ACP7: variants seen among roughly 807,000 people sequenced by gnomAD.
ACP7 encodes acid phosphatase type 7.
In ACP7, 58 loss-of-function variants were observed where a neutral mutation model predicts 60.6. The observed-to-expected ratio is 0.96, with a 90% CI of 0.77 to 1.19. The LOEUF is 1.19. ACP7 is among the 50% of genes most tolerant of loss of function. ACP7 has a pLI of 0.00. For synonymous variants in ACP7, 237 were observed against 232.6 expected (o/e 1.02, Z -0.17); for missense variants, 574 against 596.2 (o/e 0.96, Z 0.39).
intron 2 of ACP7, among the ~76,000 whole-genome samples, chr19:39,095,369 G>A (rs1259251490): frequency 1.3e-5 from 2 of 152,150 alleles, no homozygotes; most frequent in African/African-American, 4.8e-5. Context: ...GGCATTACAG[G>A]GCCCATGCAA....
rs767671942 is a variant in ACP7, at chr19:39,098,503, C to T, written c.167C>T (p.Thr56Ile). The stretch of plus-strand genomic sequence containing the variant: ...GTAACTTGGACCACATGGGTCCCAA[C>T]CCGCTCTGAAGTGCAATTCGGGTTG... ...MTVTWTTWVPTRSEVQFGLQP... is the reference protein window; with the variant it reads ...MTVTWTTWVPIRSEVQFGLQP... The change falls in exon 3 of 13, where the codon ACC (threonine) becomes ATC (isoleucine). Residue 56 changes from threonine to isoleucine, a missense_variant. Coordinates refer to ENST00000331256, the MANE Select transcript of ACP7 (RefSeq NM_001004318.3). 2.4e-5 allele frequency: 39 copies of T among 1,606,048 alleles called. No homozygotes were observed. Among genetic ancestry groups the T allele is most frequent in the Non-Finnish European group, 2.9e-5 (34 of 1,176,784 alleles).
chr19:39,109,396 T>G (rs62120484), intron 12 of ACP7, among the ~76,000 whole-genome samples: 25,169 of 151,810 alleles, frequency 0.17, 2,339 homozygotes, highest in Non-Finnish European at 0.21. Context: ...GCTCAGAGAG[T>G]CCAGCAACAT....
intron 2 of ACP7, among the ~76,000 whole-genome samples, chr19:39,092,401 G>A (rs1048521278): frequency 1.3e-5 from 2 of 151,304 alleles, no homozygotes; most frequent in African/African-American, 4.9e-5. Flanking sequence ...TATAGCAGTT[G>A]CAGAATCATT....
chr19:39,086,908 G>A (rs781082020), intron 2 of ACP7, among the ~76,000 whole-genome samples: 4 of 152,104 alleles, frequency 2.6e-5, no homozygotes, highest in Non-Finnish European at 5.9e-5. Context: ...AACACCTTCA[G>A]TATTAATGTA....
intron 2 of ACP7, among the ~76,000 whole-genome samples, chr19:39,094,454 G>A (rs573917365): frequency 1.3e-5 from 2 of 150,194 alleles, no homozygotes; most frequent in East Asian, 3.9e-4. Context: ...AGTGAGCCAA[G>A]ATTGCATCAC....
At chr19:39,100,904 T>G in intron 7 of ACP7, 45 bp from the exon 8 acceptor site, 1 of 676,668 alleles carries the variant, frequency 1.5e-6, no homozygotes, top group Non-Finnish European at 2.2e-6. Context: ...CACCTCCCCC[T>G]CCACCCCTGA....
intron 4 of ACP7, 55 bp downstream of exon 4, chr19:39,099,197 G>A: frequency 1.4e-6 from 2 of 1,462,328 alleles, no homozygotes; most frequent in Non-Finnish European, 8.9e-7. Flanking sequence ...CGCAGGGATG[G>A]TGGGGGGCGC....
chr19:39,098,420 C>G, intron 2 of ACP7, 38 bp from the exon 3 acceptor site: 1 of 1,395,468 alleles, frequency 7.2e-7, no homozygotes, highest in Non-Finnish European at 9.6e-7. Flanking sequence ...CCTGCCCAGG[C>G]TTCACTCCCG....
chr19:39,101,654 C>T, intron 11 of ACP7, 117 bp downstream of exon 11: 1 of 1,192,166 alleles, frequency 8.4e-7, no homozygotes, highest in Non-Finnish European at 1.2e-6. Context: ...TAACCCTCAG[C>T]CCTAAGGTCG....
chr19:39,103,384 T>C (rs1240425441), intron 11 of ACP7, among the ~76,000 whole-genome samples: 1 of 150,830 alleles, frequency 6.6e-6, no homozygotes, highest in Admixed American at 6.6e-5. Flanking sequence ...CCTGTCTCCT[T>C]TCCACTCATC....
At chr19:39,097,097 G>A (rs933617625) in intron 2 of ACP7, among the ~76,000 whole-genome samples, 1 of 152,148 alleles carries the variant, frequency 6.6e-6, no homozygotes, top group Non-Finnish European at 1.5e-5. Context: ...AATACACCTG[G>A]CTAGTGAAAA....
chr19:39,097,604 T>G (rs986492128), intron 2 of ACP7, among the ~76,000 whole-genome samples: 8 of 150,736 alleles, frequency 5.3e-5, no homozygotes, highest in Non-Finnish European at 7.4e-5. Context: ...TTGCTGGTAC[T>G]GGGCCCGTTT....
chr19:39,085,457 G>A (rs1302064688), intron 2 of ACP7, 67 bp downstream of exon 2: 2 of 1,522,084 alleles, frequency 1.3e-6, no homozygotes, highest in Non-Finnish European at 1.8e-6. Context: ...TTGTTTGAGG[G>A]CTCAGGAATC....
At chr19:39,095,085 G>T (rs772995747) in intron 2 of ACP7, among the ~76,000 whole-genome samples, 2 of 152,148 alleles carry the variant, frequency 1.3e-5, no homozygotes, top group Non-Finnish European at 2.9e-5. Flanking sequence ...GGGACACAGA[G>T]CCAAACCATA....
At position 39,110,181 on chromosome 19, in the gene ACP7, C is replaced by T; in HGVS notation, c.*63C>T. 1 of 1,500,228 alleles carries T rather than the reference C, an allele frequency of 6.7e-7. No individual in the cohort carries two copies. 92.9% of individuals were successfully genotyped at this position (1,500,228 alleles called of 1,614,324 possible). On this transcript the variant is annotated 3_prime_UTR_variant, in exon 13 of 13. Transcript: ENST00000331256. ...CCGCCTTGGCTGCTGTGACCAGAAA[C>T]TGCCCAGGCCTGGGTGGGGAGTTGG...
Position 39,101,477 on chromosome 19 carries a change from C to G in ACP7, c.1053C>G (p.Gly351=). ...WPIYNYQVFN[G]SREMPYTNPR... Reference sequence around the variant, plus strand: ...GTTCCCTTCCCCAGGTATTTAACGGCAGCCGAGAGATGCCCTACACCAACC... The same window carrying G: ...GTTCCCTTCCCCAGGTATTTAACGGGAGCCGAGAGATGCCCTACACCAACC... Residue 351 remains glycine (G), a synonymous_variant, in exon 11 of 13, where the codon GGC becomes GGG. Coordinates refer to ENST00000331256, the MANE Select transcript of ACP7 (RefSeq NM_001004318.3). 1 of 1,614,170 alleles carries G rather than the reference C, an allele frequency of 6.2e-7. No individual in the cohort carries two copies. Among genetic ancestry groups the G allele is most frequent in the Non-Finnish European group, 8.5e-7 (1 of 1,180,034 alleles).
chr19:39,109,966 G>T (rs2073452011), intron 12 of ACP7, 87 bp from the exon 13 acceptor site: 1 of 1,337,482 alleles, frequency 7.5e-7, no homozygotes, highest in Admixed American at 1.8e-5. Context: ...CCATCAGAGG[G>T]CAGAGAGGGG....
intron 11 of ACP7, among the ~76,000 whole-genome samples, chr19:39,102,795 T>TTTCTCTCTCTC (rs2073369760): frequency 2.6e-5 from 2 of 76,434 alleles, no homozygotes; most frequent in Non-Finnish European, 6.0e-5. Flanking sequence ...CTCTCTCTCT[T>TTTCTCTCTCTC]TCTTTCTTTC....
chr19:39,105,677 C>T (rs772296347), intron 11 of ACP7, among the ~76,000 whole-genome samples: 6 of 151,990 alleles, frequency 3.9e-5, no homozygotes, highest in East Asian at 3.9e-4. Context: ...TGCACCACCA[C>T]GCCCAGCTAA....
Sources: allele counts gnomAD v4.1 joint callset (sites outside exome capture counted in the v4.1 genomes callset), GRCh38; gene constraint gnomAD v4.1.1; transcripts MANE v1.5; gene names NCBI Gene and HGNC (gene_info 2026-07-23, HGNC 2026-07-21).